Variants in APLP2 observed in about 807,000 individuals in gnomAD.
APLP2 encodes the protein CDEI box-binding protein.
A neutral mutation model predicts 89.9 loss-of-function variants in APLP2; 53 were observed. That is an observed-to-expected ratio of 0.59 (90% CI 0.47 to 0.74). APLP2 has a LOEUF of 0.74. APLP2 is among the 30% of genes least tolerant of loss of function. The pLI is 0.00. For synonymous variants in APLP2, 372 were observed against 348.6 expected, an observed-to-expected ratio of 1.07 and a Z score of -0.75; for missense variants, 973 against 975.9, an observed-to-expected ratio of 1.00 and a Z score of 0.04.
chr11:130,085,279 G>A (rs569294983), intron 1 of APLP2, among the ~76,000 whole-genome samples: 137 of 152,202 alleles, frequency 9.0e-4, no homozygotes, highest in Non-Finnish European at 1.4e-3. Context: ...GCGAAACGCC[G>A]TCTCTACTAA....
At position 130,127,639 on chromosome 11, in the gene APLP2, A is replaced by G. The variant is rs114515487; in HGVS notation, c.1222-127A>G. On this transcript the variant is annotated intron_variant, in intron 8 of 16. Transcript: ENST00000338167. ...GCAGTAACAATGCTAAGCTCCTAAG[A>G]GATTGTGTGATTGGTTTCCTTTTGC... 1.7e-3 allele frequency: 1,292 copies of G among 766,308 alleles called. 14 individuals carry two copies. In the African/African-American group the frequency reaches 0.02, roughly 12 times the overall value. The allele number at this position is 766,308 out of a possible 1,614,324, so 47.5% of individuals were successfully genotyped here.
intron 1 of APLP2, among the ~76,000 whole-genome samples, chr11:130,100,601 A>G (rs1271619013): frequency 2.6e-5 from 4 of 152,170 alleles, no homozygotes; most frequent in East Asian, 1.9e-4. Flanking sequence ...ACAAATTACC[A>G]TGTTTCCATA....
In APLP2 at chr11:130,083,021, C is replaced by CTTTT. The variant is rs1469566240; in HGVS notation, c.105+12940_105+12943dup. ...AAATATATTAACCACTGAAACTTTT[C>CTTTT]TTTTCTTTTTTTTTTTTTTTTTTTT... On this transcript the variant is annotated intron_variant, in intron 1 of 16. Transcript: ENST00000338167. 1.4e-3 allele frequency among the ~76,000 whole-genome samples: 113 copies of CTTTT among 79,956 alleles called. 1 individual carries two copies. Among genetic ancestry groups the CTTTT allele is most frequent in the African/African-American group, 2.3e-3 (45 of 19,634 alleles). 52.5% of individuals were successfully genotyped at this position (79,956 alleles called of 152,430 possible).
intron 1 of APLP2, among the ~76,000 whole-genome samples, chr11:130,093,125 A>G (rs1945661350): frequency 6.6e-6 from 1 of 152,164 alleles, no homozygotes; most frequent in Non-Finnish European, 1.5e-5. Context: ...AAGTCTCCCT[A>G]ACCAGGCCCG....
At chr11:130,130,987 G>T (rs1950883751) in intron 11 of APLP2, among the ~76,000 whole-genome samples, 1 of 152,248 alleles carries the variant, frequency 6.6e-6, no homozygotes, top group Non-Finnish European at 1.5e-5. Context: ...GTCTGTCTCA[G>T]TGCCAGACTC....
At chr11:130,102,299 C>T (rs114707074) in intron 1 of APLP2, among the ~76,000 whole-genome samples, 141 of 152,306 alleles carry the variant, frequency 9.3e-4, no homozygotes, top group African/African-American at 3.3e-3. Context: ...ACAAGAGCGT[C>T]GTACCTTTCG....
At position 130,109,425 on chromosome 11, in the gene APLP2, G is replaced by T. The variant is rs1389913458; in HGVS notation, c.106-4G>T. 5.0e-6 allele frequency: 8 copies of T among 1,604,228 alleles called. No homozygotes were observed. Among genetic ancestry groups the T allele is most frequent in the African/African-American group, 1.3e-5 (1 of 74,304 alleles). ...TAAACCTGCAATTTTTTTCCCTTTGGTAGGCTCTTGCAGCCAATGCCGGAA... is the reference window on the plus strand; with the variant it reads ...TAAACCTGCAATTTTTTTCCCTTTGTTAGGCTCTTGCAGCCAATGCCGGAA... On this transcript the variant is annotated splice_region_variant and splice_polypyrimidine_tract_variant and intron_variant, in intron 1 of 16. Coordinates refer to ENST00000338167, the MANE Select transcript of APLP2 (RefSeq NM_001142276.2).
chr11:130,140,369 G>T (rs748584114), intron 13 of APLP2, 29 bp from the exon 14 acceptor site: 2 of 1,567,648 alleles, frequency 1.3e-6, no homozygotes, highest in Non-Finnish European at 8.7e-7. Context: ...CCATCCTTGG[G>T]AACTCAGCCA....
chr11:130,129,405 C>T (rs1206471908), intron 10 of APLP2, among the ~76,000 whole-genome samples, 199 bp downstream of exon 10: 5 of 152,306 alleles, frequency 3.3e-5, no homozygotes, highest in African/African-American at 7.2e-5. Context: ...TTTATGCCTG[C>T]GTATACCACC....
At chr11:130,120,923 C>A in intron 4 of APLP2, 105 bp downstream of exon 4, 1 of 781,026 alleles carries the variant, frequency 1.3e-6, no homozygotes, top group Non-Finnish European at 2.3e-6. Flanking sequence ...ATGTTTCCCC[C>A]ATTATCTCCT....
At chr11:130,129,973 T>A (rs535431136) in intron 10 of APLP2, 65 bp from the exon 11 acceptor site, 1 of 1,564,532 alleles carries the variant, frequency 6.4e-7, no homozygotes, top group African/African-American at 1.4e-5. Flanking sequence ...TTTTAAGCTT[T>A]TGTTTTCCTG....
rs145182042 is a variant in APLP2, at chr11:130,080,083, A to G, written c.105+10001A>G. On this transcript the variant is annotated intron_variant, in intron 1 of 16. Transcript: ENST00000338167. ...CATTTGGTTTGCAAAAATTTTGTTC[A>G]GGAGTTTTGCCTCTTTGCTAATAAG... 8.7e-3 allele frequency among the ~76,000 whole-genome samples: 1,320 copies of G among 152,316 alleles called. 20 individuals carry two copies. Among genetic ancestry groups the G allele is most frequent in the African/African-American group, 0.031 (1,280 of 41,578 alleles).
Position 130,121,819 on chromosome 11 carries a change from T to C in APLP2, c.713+9T>C. ...TATGATGTTTATAAAAGGTAACTCT[T>C]CTACTTTGAACTGTGAAGTCGTTTT... On this transcript the variant is annotated intron_variant, in intron 5 of 16. Transcript: ENST00000338167. 6.2e-7 allele frequency: 1 copy of C among 1,606,772 alleles called. No individual in the cohort carries two copies. The highest frequency in any genetic ancestry group is 8.5e-7 in the Non-Finnish European group (1 of 1,179,640).
chr11:130,076,931 C>T (rs1299005073), intron 1 of APLP2, among the ~76,000 whole-genome samples: 1 of 152,184 alleles, frequency 6.6e-6, no homozygotes, highest in African/African-American at 2.4e-5. Flanking sequence ...CTTCTCAGGG[C>T]CTGCTTTTGG....
intron 3 of APLP2, among the ~76,000 whole-genome samples, chr11:130,118,517 A>G (rs1949474645): frequency 1.3e-5 from 2 of 152,210 alleles, no homozygotes; most frequent in South Asian, 4.1e-4. Context: ...CCCTGCATAT[A>G]CTTTTCCTTT....
intron 16 of APLP2, among the ~76,000 whole-genome samples, chr11:130,142,289 A>G (rs1280189812): frequency 6.6e-6 from 1 of 152,208 alleles, no homozygotes; most frequent in Non-Finnish European, 1.5e-5. Flanking sequence ...GGCCTTGGCT[A>G]TGAATGTCAG....
At chr11:130,070,727 G>A (rs999853676) in intron 1 of APLP2, 4 of 1,468,004 alleles carry the variant, frequency 2.7e-6, no homozygotes, top group South Asian at 1.3e-5. Flanking sequence ...TGCGTCCGTA[G>A]ACCGAGGAAA....
At chr11:130,140,909 C>CT (rs5795689) in intron 14 of APLP2, 32,727 of 136,634 alleles carry the variant, frequency 0.24, 6,355 homozygotes, top group African/African-American at 0.54. Flanking sequence ...TTCAATGTGG[C>CT]TTTTTTTTTT....
At position 130,129,151 on chromosome 11, in the gene APLP2, G is replaced by A. The variant is rs1342621835; in HGVS notation, c.1400G>A (p.Arg467His). The A allele has an allele frequency of 4.3e-6, 7 of 1,614,076 alleles. No homozygotes were observed. Among genetic ancestry groups the A allele is most frequent in the African/African-American group, 1.3e-5 (1 of 74,940 alleles). Residue 467 changes from arginine (R) to histidine (H), a missense_variant, in exon 10 of 17, where the codon CGC becomes CAC. Transcript: ENST00000338167. Reference sequence around the variant, plus strand: ...CGAGTGGAAGCTATGCTGAATGACCGCCGTCGGATGGCTCTGGAGAACTAC... The same window carrying A: ...CGAGTGGAAGCTATGCTGAATGACCACCGTCGGATGGCTCTGGAGAACTAC... ...LARVEAMLND[R>H]RRMALENYLA...
Sources: gnomAD v4.1 joint callset for allele counts (sites outside exome capture counted in the v4.1 genomes callset) on GRCh38, gnomAD v4.1.1 for gene constraint, MANE v1.5 for transcripts, NCBI Gene and HGNC (gene_info 2026-07-23, HGNC 2026-07-21) for gene names.